SCHIP1: variants seen among roughly 807,000 people sequenced by gnomAD.
SCHIP1 encodes schwannomin-interacting protein 1.
A neutral mutation model predicts 29.7 loss-of-function variants in SCHIP1; 8 were observed. The ratio of observed to expected loss-of-function variants is 0.27; its 90% CI spans 0.16 to 0.49. The LOEUF (loss-of-function observed/expected upper bound fraction) is 0.49. Among genes scored for constraint, SCHIP1 ranks in the 20% least tolerant of loss-of-function variants. SCHIP1 has a pLI of 0.99. For missense variants in SCHIP1, 193 were observed against 294.6 expected, an observed-to-expected ratio of 0.66 and a Z score of 2.52; for synonymous variants, 76 against 94.9, an observed-to-expected ratio of 0.80 and a Z score of 1.16.
chr3:159,795,390 C>T, the SCHIP1 span, among the ~76,000 whole-genome samples: 4 of 152,328 alleles, frequency 2.6e-5, no homozygotes, highest in Admixed American at 2.0e-4. Flanking sequence ...ATCTCTCTGC[C>T]TCAGTTTCCT....
the SCHIP1 span, among the ~76,000 whole-genome samples, chr3:159,423,185 G>C: frequency 6.6e-6 from 1 of 152,360 alleles, no homozygotes; most frequent in South Asian, 2.1e-4. Flanking sequence ...CATCTCACTA[G>C]GGAGTGCCAG....
upstream of SCHIP1, chr3:159,839,855 T>G (rs984432399): frequency 1.2e-5 from 16 of 1,355,592 alleles, no homozygotes; most frequent in Admixed American, 5.7e-4. Context: ...AGCTCCAGAC[T>G]GATCCTTTTC....
At chr3:159,546,034 TA>T in the SCHIP1 span, among the ~76,000 whole-genome samples, 4 of 152,062 alleles carry the variant, frequency 2.6e-5, no homozygotes, top group East Asian at 7.7e-4. Context: ...TTGTGAAAGA[TA>T]TTTTTGTTTA....
chr3:159,357,005 G>C, the SCHIP1 span, among the ~76,000 whole-genome samples: 1 of 152,108 alleles, frequency 6.6e-6, no homozygotes, highest in South Asian at 2.1e-4. Context: ...AACCAACCTA[G>C]TTTTATGTGT....
At chr3:159,478,300 A>G in the SCHIP1 span, among the ~76,000 whole-genome samples, 2 of 152,132 alleles carry the variant, frequency 1.3e-5, no homozygotes, top group Non-Finnish European at 2.9e-5. Flanking sequence ...CTGCACATGG[A>G]TAACCAGTTT....
chr3:159,858,578 C>G (rs1351808427), intron 1 of SCHIP1, among the ~76,000 whole-genome samples: 1 of 152,172 alleles, frequency 6.6e-6, no homozygotes, highest in Non-Finnish European at 1.5e-5. Context: ...CTAGGCAAAA[C>G]CATCCTCACA....
At chr3:159,660,474 T>G in the SCHIP1 span, among the ~76,000 whole-genome samples, 10 of 152,162 alleles carry the variant, frequency 6.6e-5, no homozygotes, top group Non-Finnish European at 1.3e-4. Context: ...ATGGACATAA[T>G]GTAGATCTGT....
the SCHIP1 span, among the ~76,000 whole-genome samples, chr3:159,520,027 T>C: frequency 6.6e-6 from 1 of 150,912 alleles, no homozygotes; most frequent in Non-Finnish European, 1.5e-5. Context: ...TATTCACTTG[T>C]ATTGGGTTCC....
the SCHIP1 span, among the ~76,000 whole-genome samples, chr3:159,337,668 T>C: frequency 6.6e-6 from 1 of 152,122 alleles, no homozygotes; most frequent in African/African-American, 2.4e-5. Context: ...TCTAATCATG[T>C]TTCTGTCCTC....
chr3:159,483,880 C>A, the SCHIP1 span, among the ~76,000 whole-genome samples: 9 of 151,918 alleles, frequency 5.9e-5, no homozygotes, highest in South Asian at 2.1e-4. Context: ...TACAGCAAAC[C>A]CACATGATGA....
At chr3:159,543,451 A>G in the SCHIP1 span, among the ~76,000 whole-genome samples, 2 of 144,578 alleles carry the variant, frequency 1.4e-5, no homozygotes, top group East Asian at 4.2e-4. Context: ...CCCACCTATG[A>G]GTGAGAACAA....
At chr3:159,779,623 A>G in the SCHIP1 span, among the ~76,000 whole-genome samples, 1 of 152,116 alleles carries the variant, frequency 6.6e-6, no homozygotes, top group Non-Finnish European at 1.5e-5. Flanking sequence ...CAGTGAGCCA[A>G]GATCGCACCA....
chr3:159,896,984 G>A (rs949323244), exon 7 of SCHIP1: 3 of 455,646 alleles, frequency 6.6e-6, no homozygotes, highest in Non-Finnish European at 1.1e-5. Context: ...ATAAAATATT[G>A]TTACAAAAAA....
chr3:159,799,268 C>T, the SCHIP1 span, among the ~76,000 whole-genome samples: 1 of 152,214 alleles, frequency 6.6e-6, no homozygotes, highest in African/African-American at 2.4e-5. Flanking sequence ...AAAGGAAAGG[C>T]TAAGGCCACT....
chr3:159,325,284 C>A, the SCHIP1 span, among the ~76,000 whole-genome samples: 2 of 152,014 alleles, frequency 1.3e-5, no homozygotes, highest in Admixed American at 1.3e-4. Context: ...ATTTTCTTTC[C>A]AGAAAAATAT....
At chr3:159,348,930 T>A in the SCHIP1 span, among the ~76,000 whole-genome samples, 1 of 152,206 alleles carries the variant, frequency 6.6e-6, no homozygotes, top group Non-Finnish European at 1.5e-5. Flanking sequence ...GAATGAGTAT[T>A]CAGTGGTTGA....
the SCHIP1 span, among the ~76,000 whole-genome samples, chr3:159,690,497 T>A: frequency 6.6e-6 from 1 of 152,246 alleles, no homozygotes; most frequent in Admixed American, 6.5e-5. Flanking sequence ...TTCTCCTTTA[T>A]TAGTCTGGCT....
chr3:159,604,244 G>A, the SCHIP1 span, among the ~76,000 whole-genome samples: 47 of 152,294 alleles, frequency 3.1e-4, no homozygotes, highest in African/African-American at 1.1e-3. Flanking sequence ...TTTCTGTGCT[G>A]TGTGCCTATC....
chr3:159,572,920 G>A, the SCHIP1 span, among the ~76,000 whole-genome samples: 1 of 148,410 alleles, frequency 6.7e-6, no homozygotes, highest in African/African-American at 2.5e-5. Flanking sequence ...CACAGACTAG[G>A]ATTGCAACCT....
Sources: allele counts gnomAD v4.1 joint callset (sites outside exome capture counted in the v4.1 genomes callset), GRCh38; gene constraint gnomAD v4.1.1; transcripts MANE v1.5; gene names NCBI Gene and HGNC (gene_info 2026-07-23, HGNC 2026-07-21).